RBFOX3: variants seen among roughly 807,000 people sequenced by gnomAD.
The protein encoded by RBFOX3 is RNA binding fox-1 homolog 3, also known as RNA binding protein fox-1 homolog 3.
In RBFOX3, 17 loss-of-function variants were observed where a neutral mutation model predicts 48.7. The ratio of observed to expected loss-of-function variants is 0.35; its 90% CI spans 0.24 to 0.52. RBFOX3 has a LOEUF of 0.52. Among genes scored for constraint, RBFOX3 ranks in the 20% least tolerant of loss-of-function variants. RBFOX3 has a pLI of 0.94. For missense variants in RBFOX3, 382 were observed against 497.5 expected (o/e 0.77, Z 2.21); for synonymous variants, 212 against 209.5 (o/e 1.01, Z -0.10).
the RBFOX3 span, among the ~76,000 whole-genome samples, chr17:79,652,604 A>AGGAAAGGAG: frequency 6.2e-5 from 1 of 16,088 alleles, no homozygotes; most frequent in Non-Finnish European, 2.2e-4. Context: ...GAGGAGAGGA[A>AGGAAAGGAG]AGGAAAGGAA....
At chr17:79,295,969 G>C (rs1482416165) in intron 3 of RBFOX3, among the ~76,000 whole-genome samples, 1 of 151,936 alleles carries the variant, frequency 6.6e-6, no homozygotes, top group African/African-American at 2.4e-5. Flanking sequence ...ATTCCCAGTG[G>C]CCCAGCAGTA....
chr17:79,509,886 C>T (rs1054579185), intron 1 of RBFOX3, among the ~76,000 whole-genome samples: 2 of 152,202 alleles, frequency 1.3e-5, no homozygotes, highest in African/African-American at 4.8e-5. Flanking sequence ...GCAGGCACTG[C>T]ACTATGTCAT....
chr17:79,150,063 A>AGGGGGGGGGGGGG (rs2044063914), intron 4 of RBFOX3, among the ~76,000 whole-genome samples: 2 of 11,998 alleles, frequency 1.7e-4, no homozygotes, highest in African/African-American at 4.4e-4. Context: ...ATGGGGGTTG[A>AGGGGGGGGGGGGG]GGGTGGGGGT....
intron 2 of RBFOX3, among the ~76,000 whole-genome samples, chr17:79,437,324 C>T (rs2069723794): frequency 6.6e-6 from 1 of 152,230 alleles, no homozygotes; most frequent in Admixed American, 6.5e-5. Context: ...GCCGGGGAGG[C>T]CGGGTCCCCC....
intron 1 of RBFOX3, among the ~76,000 whole-genome samples, chr17:79,558,535 G>A (rs1415681454): frequency 6.6e-6 from 1 of 152,082 alleles, no homozygotes; most frequent in African/African-American, 2.4e-5. Context: ...CAGGAGGGAG[G>A]CAAGACCACA....
chr17:79,651,456 A>AC, the RBFOX3 span, among the ~76,000 whole-genome samples: 1 of 151,638 alleles, frequency 6.6e-6, no homozygotes, highest in Non-Finnish European at 1.5e-5. Flanking sequence ...TGGTGGTGAC[A>AC]CCCCCGGGCC....
At chr17:79,639,980 T>C in the RBFOX3 span, among the ~76,000 whole-genome samples, 1 of 152,186 alleles carries the variant, frequency 6.6e-6, no homozygotes, top group Non-Finnish European at 1.5e-5. Flanking sequence ...GCCAGTGCTA[T>C]TAGACAAGAA....
intron 12 of RBFOX3, 78 bp from the exon 13 acceptor site, chr17:79,095,652 A>G: frequency 1.5e-6 from 2 of 1,317,832 alleles, no homozygotes; most frequent in South Asian, 2.6e-5. Flanking sequence ...GGGAGAGGAG[A>G]CAGACCCTGT....
At chr17:79,356,373 T>TTTTTGTTTTTTTTTTTTTTGTTTTTG (rs1555684872) in intron 2 of RBFOX3, among the ~76,000 whole-genome samples, 1 of 88,992 alleles carries the variant, frequency 1.1e-5, no homozygotes. Flanking sequence ...TTTTTTTTTT[T>TTTTTGTTTTTTTTTTTTTTGTTTTTG]TTTTTTTTTT....
intron 4 of RBFOX3, among the ~76,000 whole-genome samples, chr17:79,219,916 G>GCCCAGCCCACTGT (rs2059511129): frequency 6.6e-6 from 1 of 151,626 alleles, no homozygotes; most frequent in Admixed American, 6.6e-5. Flanking sequence ...TGGAGGCTGG[G>GCCCAGCCCACTGT]CCCAGCCCCC....
At chr17:79,620,508 C>T in the RBFOX3 span, among the ~76,000 whole-genome samples, 9 of 150,538 alleles carry the variant, frequency 6.0e-5, no homozygotes, top group East Asian at 3.9e-4. Context: ...CACACACATG[C>T]GCATACGTGC....
At chr17:79,211,802 C>G (rs72846060) in intron 4 of RBFOX3, among the ~76,000 whole-genome samples, 6,668 of 152,314 alleles carry the variant, frequency 0.044, 176 homozygotes, top group Middle Eastern at 0.054. Flanking sequence ...TGGTAACTCT[C>G]CTCAAAGCAA....
At chr17:79,492,285 T>A (rs1328144700) in intron 1 of RBFOX3, among the ~76,000 whole-genome samples, 1 of 152,110 alleles carries the variant, frequency 6.6e-6, no homozygotes, top group African/African-American at 2.4e-5. Context: ...TGTCTTCACC[T>A]CCTGGTGCCC....
intron 2 of RBFOX3, among the ~76,000 whole-genome samples, chr17:79,366,606 A>G (rs2057785807): frequency 6.6e-6 from 1 of 152,144 alleles, no homozygotes; most frequent in African/African-American, 2.4e-5. Flanking sequence ...GCAGTGCCTT[A>G]TTGACCCTTC....
At chr17:79,583,379 C>A (rs976960360) in intron 1 of RBFOX3, among the ~76,000 whole-genome samples, 3 of 152,172 alleles carry the variant, frequency 2.0e-5, no homozygotes, top group African/African-American at 7.2e-5. Context: ...TGACTCAGGT[C>A]GAAGGGCCCC....
chr17:79,130,916 A>G (rs2038682760), intron 4 of RBFOX3, among the ~76,000 whole-genome samples: 1 of 152,250 alleles, frequency 6.6e-6, no homozygotes, highest in African/African-American at 2.4e-5. Flanking sequence ...CCGTGGTGCT[A>G]GGACACGGTG....
intron 3 of RBFOX3, among the ~76,000 whole-genome samples, chr17:79,256,768 A>G (rs763510892): frequency 6.6e-6 from 1 of 152,062 alleles, no homozygotes; most frequent in African/African-American, 2.4e-5. Flanking sequence ...AAATTCAAAA[A>G]TTAGCCGGGC....
chr17:79,267,974 A>C (rs1399470864), intron 3 of RBFOX3, among the ~76,000 whole-genome samples: 1 of 152,168 alleles, frequency 6.6e-6, no homozygotes, highest in African/African-American at 2.4e-5. Context: ...TCCACTTTTT[A>C]TACCCCCACT....
intron 4 of RBFOX3, among the ~76,000 whole-genome samples, chr17:79,147,844 C>G (rs1232327223): frequency 2.6e-5 from 4 of 152,234 alleles, no homozygotes; most frequent in Non-Finnish European, 4.4e-5. Context: ...TCCAGCCTCT[C>G]TCTCATGCTA....
Sources: gnomAD v4.1 joint callset for allele counts (sites outside exome capture counted in the v4.1 genomes callset) on GRCh38, gnomAD v4.1.1 for gene constraint, MANE v1.5 for transcripts, NCBI Gene and HGNC (gene_info 2026-07-23, HGNC 2026-07-21) for gene names.